MID1: variants seen among roughly 807,000 people sequenced by gnomAD.
MID1 encodes the protein midline 1.
MID1 carries 7 observed loss-of-function variants against 40.4 expected under a neutral mutation model. The ratio of observed to expected loss-of-function variants is 0.17; its 90% CI spans 0.10 to 0.33. MID1 has a LOEUF of 0.33. MID1 is among the 10% of genes least tolerant of loss of function. MID1 has a pLI of 1.00. For missense variants in MID1, 367 were observed against 558.5 expected, an observed-to-expected ratio of 0.66 and a Z score of 3.46; for synonymous variants, 229 against 221.2, an observed-to-expected ratio of 1.04 and a Z score of -0.31.
At chrX:10,638,340 G>A (rs1000772136) in intron 1 of MID1, among the ~76,000 whole-genome samples, 5 of 112,220 alleles carry the variant, frequency 4.5e-5, no homozygotes, top group African/African-American at 1.6e-4. Flanking sequence ...CTTAGCAAAC[G>A]GCACACCAGG....
intron 2 of MID1, among the ~76,000 whole-genome samples, chrX:10,528,622 GGTGA>G (rs200937611): frequency 0.014 from 1,585 of 112,108 alleles, 28 homozygotes; most frequent in African/African-American, 0.048. Context: ...CAAAACAAGT[GGTGA>G]GTGAGATTTG....
chrX:10,676,384 C>T (rs1210730054), intron 1 of MID1, among the ~76,000 whole-genome samples: 3 of 111,777 alleles, frequency 2.7e-5, no homozygotes, highest in East Asian at 2.8e-4. Context: ...GCAGGACGTC[C>T]GCAGAGTCAC....
At chrX:10,720,961 C>A (rs1282759243) in intron 1 of MID1, among the ~76,000 whole-genome samples, 2 of 107,729 alleles carry the variant, frequency 1.9e-5, no homozygotes, top group Non-Finnish European at 3.8e-5. Flanking sequence ...AAAAACCGAA[C>A]ACCGCATGTT....
Position 10,671,207 on chromosome X carries a change from T to G in MID1, c.-186-50788A>C, listed in dbSNP as rs1173416389. ...TTAAATGTACAGGTAGCTCTCATAC[T>G]AAATATCTCACAAAATTATAATTGT... On this transcript the variant is annotated intron_variant, in intron 1 of 10. Coordinates refer to the MID1 transcript ENST00000380785. Among the ~76,000 whole-genome samples, 3 of 112,007 alleles carry G rather than the reference T, an allele frequency of 2.7e-5. No homozygotes were observed. The Admixed American group carries it at 2.8e-4, about 11-fold the overall frequency.
chrX:10,517,768 C>G (rs1239353666), intron 3 of MID1, among the ~76,000 whole-genome samples: 3 of 111,782 alleles, frequency 2.7e-5, no homozygotes, highest in Non-Finnish European at 5.6e-5. Flanking sequence ...CTTCCATAAA[C>G]TCAAATGTTA....
chrX:10,650,845 C>A (rs1224266871), intron 1 of MID1, among the ~76,000 whole-genome samples: 1 of 110,767 alleles, frequency 9.0e-6, no homozygotes, highest in Non-Finnish European at 1.9e-5. Context: ...GAAGGGAAAG[C>A]TTTCCCTTTG....
intron 1 of MID1, among the ~76,000 whole-genome samples, chrX:10,754,309 G>GTTTTTTTTTTTTTTTTTTTTTT (rs200251008): frequency 3.8e-5 from 4 of 104,586 alleles, no homozygotes; most frequent in African/African-American, 1.6e-4. Context: ...GTTTTTTTTT[G>GTTTTTTTTTTTTTTTTTTTTTT]TTTTTTGTTT....
At chrX:10,704,117 T>A (rs1602526565) in intron 1 of MID1, among the ~76,000 whole-genome samples, 1 of 112,204 alleles carries the variant, frequency 8.9e-6, no homozygotes, top group East Asian at 2.8e-4. Flanking sequence ...GTGAATGTTT[T>A]AAAACCAATG....
At chrX:10,583,184 C>T (rs1250418681) in intron 1 of MID1, among the ~76,000 whole-genome samples, 1 of 111,361 alleles carries the variant, frequency 9.0e-6, no homozygotes, top group Non-Finnish European at 1.9e-5. Flanking sequence ...GCATAAAGGC[C>T]TGCCCTTGGA....
At chrX:10,468,790 T>TC (rs1002555653) in intron 7 of MID1, among the ~76,000 whole-genome samples, 1 of 112,020 alleles carries the variant, frequency 8.9e-6, no homozygotes, top group Non-Finnish European at 1.9e-5. Context: ...TGGAAATTCT[T>TC]CCCGGGTGGG....
chrX:10,638,094 G>T (rs1395442761), intron 1 of MID1, among the ~76,000 whole-genome samples: 2 of 112,034 alleles, frequency 1.8e-5, no homozygotes, highest in African/African-American at 6.5e-5. Flanking sequence ...ATCCAAGATG[G>T]CTGAATAGGA....
intron 1 of MID1, among the ~76,000 whole-genome samples, chrX:10,569,196 C>A (rs1934655805): frequency 8.9e-6 from 1 of 112,306 alleles, no homozygotes; most frequent in Admixed American, 9.4e-5. Context: ...TTGCTACCAA[C>A]TGAATGGTAA....
intron 2 of MID1, among the ~76,000 whole-genome samples, chrX:10,561,740 G>A (rs1163277980): frequency 3.7e-5 from 4 of 107,302 alleles, no homozygotes; most frequent in Non-Finnish European, 5.7e-5. Flanking sequence ...TGGCGAGGCT[G>A]TGGAGAAATA....
At chrX:10,652,889 C>T (rs1936331773) in intron 1 of MID1, among the ~76,000 whole-genome samples, 1 of 112,116 alleles carries the variant, frequency 8.9e-6, no homozygotes, top group Non-Finnish European at 1.9e-5. Context: ...TTCCTAGACA[C>T]CTTACACGAA....
At chrX:10,590,377 A>G (rs755693761) in intron 1 of MID1, among the ~76,000 whole-genome samples, 5 of 111,723 alleles carry the variant, frequency 4.5e-5, no homozygotes, top group Non-Finnish European at 7.5e-5. Context: ...TAGCTATAGC[A>G]GAGACCAAGA....
chrX:10,449,085 C>G lies in MID1; in HGVS notation c.*283G>C. 7.1e-6 allele frequency: 2 copies of G among 282,550 alleles called. No homozygotes were observed. Among genetic ancestry groups the G allele is most frequent in the Non-Finnish European group, 1.2e-5 (2 of 160,969 alleles). 23.3% of individuals were successfully genotyped at this position (282,550 alleles called of 1,213,427 possible). On this transcript the variant is annotated 3_prime_UTR_variant, in exon 10 of 10. Transcript: ENST00000317552. Reference sequence around the variant, plus strand: ...CTTATGGGCCTCTTAATGTGCAAAACCAAGTAATTCCTAAAAGTTGTAATC... The same window carrying G: ...CTTATGGGCCTCTTAATGTGCAAAAGCAAGTAATTCCTAAAAGTTGTAATC...
At chrX:10,499,153 T>C (rs1022337710) in intron 3 of MID1, among the ~76,000 whole-genome samples, 5 of 111,903 alleles carry the variant, frequency 4.5e-5, no homozygotes, top group African/African-American at 6.5e-5. Context: ...GGGTGTGAAG[T>C]GGTATTTCAT....
chrX:10,714,577 G>A (rs183504136), intron 1 of MID1, among the ~76,000 whole-genome samples: 1 of 112,611 alleles, frequency 8.9e-6, no homozygotes, highest in Admixed American at 9.4e-5. Flanking sequence ...ATCGAATCTG[G>A]AACATTTTAA....
intron 2 of MID1, among the ~76,000 whole-genome samples, chrX:10,540,168 T>C (rs1257426743): frequency 1.8e-5 from 2 of 111,775 alleles, no homozygotes; most frequent in African/African-American, 6.5e-5. Context: ...GCTACTGCAC[T>C]CCAGACTGGG....
Sources: gnomAD v4.1 joint callset for allele counts (sites outside exome capture counted in the v4.1 genomes callset) on GRCh38, gnomAD v4.1.1 for gene constraint, MANE v1.5 for transcripts, NCBI Gene and HGNC (gene_info 2026-07-23, HGNC 2026-07-21) for gene names.